The following GRIK2 variants were observed in gnomAD, a reference collection of about 807,000 sequenced individuals.
GRIK2 encodes the protein glutamate receptor ionotropic, kainate 2.
In GRIK2, 32 loss-of-function variants were observed where a neutral mutation model predicts 100.3. The ratio of observed to expected loss-of-function variants is 0.32; its 90% CI spans 0.24 to 0.43. The LOEUF is 0.43. Ranked by LOEUF, GRIK2 falls within the 20% of genes least tolerant of loss-of-function variation. The pLI is 1.00. For synonymous variants in GRIK2, 417 were observed against 389.4 expected, an observed-to-expected ratio of 1.07 and a Z score of -0.83; for missense variants, 843 against 1,114.9, an observed-to-expected ratio of 0.76 and a Z score of 3.47.
chr6:101,621,679 T>C (rs1780166811), intron 2 of GRIK2, among the ~76,000 whole-genome samples: 1 of 152,062 alleles, frequency 6.6e-6, no homozygotes, highest in African/African-American at 2.4e-5. Flanking sequence ...AAATCATATT[T>C]GTATCATGTT....
At chr6:101,734,396 G>A (rs1164994156) in intron 7 of GRIK2, among the ~76,000 whole-genome samples, 2 of 152,194 alleles carry the variant, frequency 1.3e-5, no homozygotes, top group African/African-American at 2.4e-5. Context: ...GGCAGGAGAA[G>A]TTCTCTGTTC....
At chr6:101,476,660 T>C (rs1271819460) in intron 2 of GRIK2, among the ~76,000 whole-genome samples, 2 of 152,192 alleles carry the variant, frequency 1.3e-5, no homozygotes, top group African/African-American at 4.8e-5. Context: ...ATGATAATTA[T>C]ATTTTTGTAG....
intron 14 of GRIK2, among the ~76,000 whole-genome samples, chr6:101,980,896 T>C (rs2128489256): frequency 6.6e-6 from 1 of 150,604 alleles, no homozygotes; most frequent in African/African-American, 2.4e-5. Context: ...TTTTCCTTTT[T>C]TTTTTTTTTT....
chr6:101,600,296 A>G (rs1779147353), intron 2 of GRIK2, among the ~76,000 whole-genome samples: 1 of 151,752 alleles, frequency 6.6e-6, no homozygotes, highest in Admixed American at 6.6e-5. Flanking sequence ...TCTTTTGGTT[A>G]TTGTAGCCTT....
chr6:101,664,591 C>A (rs1769872396), intron 4 of GRIK2, among the ~76,000 whole-genome samples: 1 of 152,196 alleles, frequency 6.6e-6, no homozygotes, highest in Non-Finnish European at 1.5e-5. Flanking sequence ...AAAAGCACTG[C>A]TTACTTTTTG....
At chr6:101,819,967 T>C (rs1028755507) in intron 10 of GRIK2, among the ~76,000 whole-genome samples, 1 of 152,156 alleles carries the variant, frequency 6.6e-6, no homozygotes, top group Admixed American at 6.6e-5. Context: ...CAAATTTAAA[T>C]TTTTATATAT....
At chr6:101,554,932 G>A (rs1247874349) in intron 2 of GRIK2, among the ~76,000 whole-genome samples, 1 of 151,992 alleles carries the variant, frequency 6.6e-6, no homozygotes, top group Non-Finnish European at 1.5e-5. Flanking sequence ...TGGAGCTGTG[G>A]TATAACTCAG....
At chr6:101,474,213 A>G (rs191273951) in intron 2 of GRIK2, among the ~76,000 whole-genome samples, 1 of 152,040 alleles carries the variant, frequency 6.6e-6, no homozygotes, top group East Asian at 1.9e-4. Context: ...CTATTATTCT[A>G]TCATTTAAAA....
chr6:101,520,818 C>A (rs891945679), intron 2 of GRIK2, among the ~76,000 whole-genome samples: 31 of 152,050 alleles, frequency 2.0e-4, no homozygotes, highest in African/African-American at 7.5e-4. Context: ...ATTGCAGTGC[C>A]ATGATGCAGA....
At chr6:101,558,969 A>G (rs796399885) in intron 2 of GRIK2, among the ~76,000 whole-genome samples, 8 of 152,042 alleles carry the variant, frequency 5.3e-5, no homozygotes, top group African/African-American at 1.9e-4. Context: ...TGTATTCTTT[A>G]TCTCGTTCAT....
intron 9 of GRIK2, among the ~76,000 whole-genome samples, chr6:101,805,138 A>C (rs988502520): frequency 6.6e-6 from 1 of 151,898 alleles, no homozygotes; most frequent in Admixed American, 6.6e-5. Context: ...CCTAGAAAGT[A>C]TAGTTACCAA....
chr6:101,658,977 C>A (rs1238145096), intron 4 of GRIK2, among the ~76,000 whole-genome samples: 1 of 152,080 alleles, frequency 6.6e-6, no homozygotes, highest in Non-Finnish European at 1.5e-5. Context: ...CTATAGGTTG[C>A]CTGTTCACTC....
chr6:101,640,477 T>C (rs1354452882), intron 4 of GRIK2, among the ~76,000 whole-genome samples: 1 of 152,160 alleles, frequency 6.6e-6, no homozygotes, highest in Non-Finnish European at 1.5e-5. Context: ...GTTCAAAGCA[T>C]CCTAAAATAC....
rs1240756189 is a variant in GRIK2 at position 102,068,424 on chromosome 6, G to C, written c.2640G>C (p.Gln880His). ...KCQRRLKHKP[Q>H]APVIVKTEEV... ...AGCGTCGGTTAAAACATAAGCCACA[G>C]GCCCCAGTTATTGTGAAAACAGAAG... Residue 880 changes from glutamine (Q) to histidine (H), a missense_variant, in exon 17 of 17, where the codon CAG becomes CAC. This residue lies in a region of GRIK2 where 87 missense variants were observed against 83.2 expected (regional missense o/e 1.05). Coordinates refer to ENST00000369134, the MANE Select transcript of GRIK2 (RefSeq NM_021956.5). 1 of 1,612,058 alleles carries C rather than the reference G, an allele frequency of 6.2e-7. No homozygotes were observed. The highest frequency in any genetic ancestry group is 8.5e-7 in the Non-Finnish European group (1 of 1,178,566).
intron 7 of GRIK2, among the ~76,000 whole-genome samples, chr6:101,721,171 G>C (rs1005337739): frequency 6.6e-6 from 1 of 151,908 alleles, no homozygotes; most frequent in African/African-American, 2.4e-5. Context: ...ATTGATTGTT[G>C]CTTCACTTTT....
chr6:101,810,898 G>C (rs1474897485), intron 9 of GRIK2, among the ~76,000 whole-genome samples: 1 of 151,934 alleles, frequency 6.6e-6, no homozygotes, highest in Non-Finnish European at 1.5e-5. Flanking sequence ...GAGAAACCCA[G>C]GTTTTCAGAA....
intron 2 of GRIK2, among the ~76,000 whole-genome samples, chr6:101,464,519 T>C (rs1160547195): frequency 2.9e-4 from 27 of 93,008 alleles, no homozygotes; most frequent in Admixed American, 1.1e-4. Flanking sequence ...TTTTTTTTTT[T>C]TTTTTTTTTT....
chr6:101,579,243 A>C (rs1021000452), intron 2 of GRIK2, among the ~76,000 whole-genome samples: 5 of 152,128 alleles, frequency 3.3e-5, no homozygotes, highest in African/African-American at 9.7e-5. Context: ...CATGGTCATG[A>C]ACTTAGAAAG....
At chr6:101,631,215 T>C (rs1339528891) in intron 4 of GRIK2, among the ~76,000 whole-genome samples, 2 of 152,188 alleles carry the variant, frequency 1.3e-5, no homozygotes, top group Non-Finnish European at 2.9e-5. Flanking sequence ...TCAGTCATTT[T>C]GGAACATATG....
Sources: allele counts gnomAD v4.1 joint callset (sites outside exome capture counted in the v4.1 genomes callset), GRCh38; gene constraint gnomAD v4.1.1; regional missense constraint gnomAD v4.1.1; transcripts MANE v1.5; gene names NCBI Gene and HGNC (gene_info 2026-07-23, HGNC 2026-07-21).